DLEU7: variants seen among roughly 807,000 people sequenced by gnomAD.
The protein encoded by DLEU7 is deleted in lymphocytic leukemia 7, also known as leukemia-associated protein 7.
Under a neutral mutation model 16.0 loss-of-function variants are expected in DLEU7, and 17 were observed. The ratio of observed to expected loss-of-function variants is 1.06; its 90% confidence interval spans 0.73 to 1.59. The LOEUF is 1.59. Among genes scored for constraint, DLEU7 ranks in the 40% most tolerant of loss-of-function variants. The pLI, the probability that DLEU7 is intolerant of heterozygous loss-of-function variation, is 0.00. For synonymous variants in DLEU7, 113 were observed against 139.8 expected (o/e 0.81, Z 1.35); for missense variants, 308 against 314.9 (o/e 0.98, Z 0.17).
chr13:50,818,515 T>C (rs1482705340), downstream of DLEU7: 1 of 152,168 alleles, frequency 6.6e-6, no homozygotes. Flanking sequence ...TGTTAACCTG[T>C]TCTAGGCACT....
intron 1 of DLEU7, among the ~76,000 whole-genome samples, chr13:50,775,034 C>G (rs1875451707): frequency 6.6e-6 from 1 of 151,820 alleles, no homozygotes. Context: ...TTTATCGTAA[C>G]TATATTAATT....
At chr13:50,760,292 ATAC>A (rs1874889927) in intron 1 of DLEU7, among the ~76,000 whole-genome samples, 1 of 152,226 alleles carries the variant, frequency 6.6e-6, no homozygotes, top group Admixed American at 6.5e-5. Context: ...ACATCTTTGA[ATAC>A]TTTCAATTAC....
At chr13:50,747,951 G>C (rs1874448324) in intron 1 of DLEU7, among the ~76,000 whole-genome samples, 1 of 152,208 alleles carries the variant, frequency 6.6e-6, no homozygotes, top group Non-Finnish European at 1.5e-5. Flanking sequence ...TGCCCTGTCA[G>C]GGGCTCTGAA....
At chr13:50,746,458 T>A (rs1874398799) in intron 1 of DLEU7, among the ~76,000 whole-genome samples, 1 of 152,196 alleles carries the variant, frequency 6.6e-6, no homozygotes, top group East Asian at 1.9e-4. Context: ...TGGATAAATT[T>A]AATTTCCTGA....
Position 50,823,152 on chromosome 13 carries a change from C to G in DLEU7, c.*162G>C. The G allele has an allele frequency of 7.1e-7, 1 of 1,415,320 alleles. No homozygotes were observed. Among genetic ancestry groups the G allele is most frequent in the Non-Finnish European group, 9.2e-7 (1 of 1,086,652 alleles). The allele number at this position is 1,415,320 out of a possible 1,614,324, so 87.7% of individuals were successfully genotyped here. A position where few individuals can be genotyped will look rare whatever the true frequency, so the allele number is the denominator to read the frequency against. ...AAAATTTCATTAACATGCTATAATC[C>G]CGAAGGCTACAGATGCCACTGGTCA... On this transcript the variant is annotated 3_prime_UTR_variant, in exon 2 of 2. Coordinates refer to ENST00000504404, the MANE Select transcript of DLEU7 (RefSeq NM_001306135.2).
rs1873755565 is a variant in DLEU7 at position 50,726,098 on chromosome 13, G to A, written c.460-12858C>T. Among the ~76,000 whole-genome samples the A allele has an allele frequency of 1.3e-5, 2 of 152,090 alleles. No homozygotes were observed. The highest frequency in any genetic ancestry group is 4.8e-5 in the African/African-American group (2 of 41,426). ...CCTATCACTGTCTTGGAGAAGTAAC[G>A]GTGAAAATTATAGTCAACAAACTAC... On this transcript the variant is annotated intron_variant, in intron 1 of 1. Coordinates refer to the DLEU7 transcript ENST00000400393. This position sits in a 1 kb window ranked among gnomAD's most constrained non-coding sequence, Gnocchi z 4.0.
intron 1 of DLEU7, among the ~76,000 whole-genome samples, chr13:50,734,215 G>T (rs1471289605): frequency 1.3e-5 from 2 of 152,156 alleles, no homozygotes; most frequent in Non-Finnish European, 2.9e-5. Context: ...AGAACCAAAA[G>T]TGTATTCAAA....
downstream of DLEU7, among the ~76,000 whole-genome samples, chr13:50,819,104 G>C (rs759903164): frequency 5.9e-5 from 9 of 152,138 alleles, no homozygotes; most frequent in Non-Finnish European, 1.2e-4. Flanking sequence ...GCCATTGTGA[G>C]AGCAACAAAG....
At chr13:50,798,413 A>G (rs7334698) in intron 1 of DLEU7, among the ~76,000 whole-genome samples, 26,022 of 152,130 alleles carry the variant, frequency 0.17, 4,195 homozygotes, top group African/African-American at 0.42. Context: ...TGGGACATAC[A>G]CTGACACCTA....
chr13:50,821,122 A>C (rs968593142), downstream of DLEU7, among the ~76,000 whole-genome samples: 25 of 152,166 alleles, frequency 1.6e-4, no homozygotes, highest in African/African-American at 6.0e-4. Flanking sequence ...AGCTGAAGTG[A>C]GATTGGTATG....
chr13:50,766,472 TCTCTTCCTA>T (rs1054714171), intron 1 of DLEU7, among the ~76,000 whole-genome samples: 60 of 101,198 alleles, frequency 5.9e-4, no homozygotes, highest in East Asian at 1.7e-3. Context: ...TTGTCTTCCT[TCTCTTCCTA>T]CTCCTCCTCT....
chr13:50,809,659 C>T lies in DLEU7; in HGVS notation c.459+33529G>A, dbSNP rs769116494. Among the ~76,000 whole-genome samples, 163 of 152,190 alleles carry T rather than the reference C, an allele frequency of 1.1e-3. 1 individual carries two copies. Among genetic ancestry groups the T allele is most frequent in the Admixed American group, 3.7e-3 (57 of 15,288 alleles). On this transcript the variant is annotated intron_variant, in intron 1 of 1. Coordinates refer to the DLEU7 transcript ENST00000400393. ...AGCTGCTTTAGATGAAGGCTGTAAC[C>T]CAAGATGGAAACACTTAACCAGGCC...
chr13:50,792,651 T>C (rs948775905), intron 1 of DLEU7, among the ~76,000 whole-genome samples: 2 of 152,198 alleles, frequency 1.3e-5, no homozygotes, highest in African/African-American at 4.8e-5. Flanking sequence ...TCACACTTGT[T>C]AATGGTGTGC....
In DLEU7 at chr13:50,723,393, C is replaced by T. The variant is rs114811183; in HGVS notation, c.460-10153G>A. 8.4e-3 allele frequency among the ~76,000 whole-genome samples: 1,264 copies of T among 150,524 alleles called. 8 individuals are homozygous for T. Among genetic ancestry groups the T allele is most frequent in the African/African-American group, 0.017 (680 of 40,838 alleles). Reference sequence around the variant, plus strand: ...TTAGCTACCATCGCATAATATTCTTCGGTAGTTTTAAACAATAATTGTACA... The same window carrying T: ...TTAGCTACCATCGCATAATATTCTTTGGTAGTTTTAAACAATAATTGTACA... On this transcript the variant is annotated intron_variant, in intron 1 of 1. Coordinates refer to the DLEU7 transcript ENST00000400393.
At chr13:50,763,299 C>G (rs1874994156) in intron 1 of DLEU7, among the ~76,000 whole-genome samples, 1 of 152,128 alleles carries the variant, frequency 6.6e-6, no homozygotes, top group South Asian at 2.1e-4. Context: ...AAGCAGAGAA[C>G]TATGATCACA....
At chr13:50,756,170 G>A (rs1189792024) in intron 1 of DLEU7, among the ~76,000 whole-genome samples, 3 of 152,190 alleles carry the variant, frequency 2.0e-5, no homozygotes, top group Admixed American at 2.0e-4. Context: ...GTGGTTTAAT[G>A]TTCTATTTTT....
chr13:50,797,692 A>G (rs1169759994), intron 1 of DLEU7, among the ~76,000 whole-genome samples: 4 of 152,212 alleles, frequency 2.6e-5, no homozygotes, highest in African/African-American at 9.7e-5. Flanking sequence ...ATAACTAAGG[A>G]AAATGGACAG....
At chr13:50,796,022 T>C (rs987562507) in intron 1 of DLEU7, among the ~76,000 whole-genome samples, 1 of 152,166 alleles carries the variant, frequency 6.6e-6, no homozygotes, top group Admixed American at 6.5e-5. Context: ...TTACCATTGC[T>C]CACCAGTACC....
chr13:50,790,401 C>T lies in DLEU7; in HGVS notation c.459+52787G>A, dbSNP rs144669434. Among the ~76,000 whole-genome samples, 382 of 152,034 alleles carry T rather than the reference C, an allele frequency of 2.5e-3. 1 individual carries two copies. The highest frequency in any genetic ancestry group is 8.2e-3 in the African/African-American group (340 of 41,448). ...ATCCTTTTATATTTTTTTCATGACA[C>T]GATGTGGACTTTGAGGTGCCCTCTC... On this transcript the variant is annotated intron_variant, in intron 1 of 1. Transcript: ENST00000400393.
Sources: gnomAD v4.1 joint callset for allele counts (sites outside exome capture counted in the v4.1 genomes callset) on GRCh38, gnomAD v4.1.1 for gene constraint, Gnocchi (gnomAD v3.1) non-coding constraint, MANE v1.5 for transcripts, NCBI Gene and HGNC (gene_info 2026-07-23, HGNC 2026-07-21) for gene names.